The following IFT80 variants were observed in gnomAD, a reference collection of about 807,000 sequenced individuals.
IFT80 encodes the protein intraflagellar transport protein 80 homolog.
Under a neutral mutation model 107.9 loss-of-function variants are expected in IFT80, and 79 were observed. That is an observed-to-expected ratio of 0.73 (90% CI 0.61 to 0.88). The LOEUF (loss-of-function observed/expected upper bound fraction) is 0.88. IFT80 is among the 40% of genes least tolerant of loss of function. The pLI is 0.00. For synonymous variants in IFT80, 299 were observed against 300.9 expected (o/e 0.99, Z 0.07); for missense variants, 797 against 914.2 (o/e 0.87, Z 1.65).
intron 1 of IFT80, among the ~76,000 whole-genome samples, chr3:160,385,688 C>G (rs1445942169): frequency 6.6e-6 from 1 of 152,186 alleles, no homozygotes; most frequent in Non-Finnish European, 1.5e-5. Context: ...CTATGTGGAG[C>G]ACAGCCAGAG....
intron 12 of IFT80, among the ~76,000 whole-genome samples, chr3:160,298,639 A>G (rs1716174844): frequency 6.6e-6 from 1 of 152,196 alleles, no homozygotes. Context: ...ATATACTGCC[A>G]TGCCTTGCTC....
intron 12 of IFT80, among the ~76,000 whole-genome samples, chr3:160,291,917 G>T (rs1715589821): frequency 6.6e-6 from 1 of 152,224 alleles, no homozygotes; most frequent in Admixed American, 6.5e-5. Flanking sequence ...GAAGCAAGTG[G>T]ACACTGGGGG....
At chr3:160,294,941 A>G (rs1197777080) in intron 12 of IFT80, among the ~76,000 whole-genome samples, 2 of 152,342 alleles carry the variant, frequency 1.3e-5, no homozygotes, top group Non-Finnish European at 2.9e-5. Context: ...CATTACTTCT[A>G]AAGTGTTTTT....
intron 9 of IFT80, among the ~76,000 whole-genome samples, chr3:160,310,238 G>A (rs912146886): frequency 3.3e-5 from 5 of 152,158 alleles, no homozygotes; most frequent in African/African-American, 1.2e-4. Context: ...AGAAAGCAAC[G>A]AAGCTATTGA....
At chr3:160,343,966 ACTTC>A (rs1433299410) in intron 8 of IFT80, among the ~76,000 whole-genome samples, 1 of 152,210 alleles carries the variant, frequency 6.6e-6, no homozygotes, top group Non-Finnish European at 1.5e-5. Context: ...GCATTTTTAT[ACTTC>A]CTTGAAGTAA....
At chr3:160,358,549 T>C (rs1721269310) in intron 6 of IFT80, among the ~76,000 whole-genome samples, 1 of 152,156 alleles carries the variant, frequency 6.6e-6, no homozygotes, top group South Asian at 2.1e-4. Context: ...CTTTGGTATC[T>C]GTGGGGGATT....
intron 6 of IFT80, among the ~76,000 whole-genome samples, chr3:160,359,585 T>C (rs192850740): frequency 5.3e-5 from 8 of 152,290 alleles, no homozygotes; most frequent in East Asian, 1.9e-4. Context: ...TAGGGGCCGA[T>C]TGACACCTCA....
At chr3:160,380,975 C>T (rs7618017) in intron 3 of IFT80, among the ~76,000 whole-genome samples, 12,154 of 151,748 alleles carry the variant, frequency 0.08, 656 homozygotes, top group African/African-American at 0.14. Flanking sequence ...TGGCTCATAC[C>T]TGTAATCCCA....
At chr3:160,267,331 A>T (rs1052377964) in intron 19 of IFT80, among the ~76,000 whole-genome samples, 6 of 152,112 alleles carry the variant, frequency 3.9e-5, no homozygotes, top group African/African-American at 1.4e-4. Context: ...TGCCCCTATG[A>T]TCAATCAGAA....
At chr3:160,264,501 C>A (rs957391043) in intron 19 of IFT80, among the ~76,000 whole-genome samples, 1 of 151,874 alleles carries the variant, frequency 6.6e-6, no homozygotes. Context: ...CAGCTAACTG[C>A]AACCTCTGCC....
intron 8 of IFT80, among the ~76,000 whole-genome samples, chr3:160,334,178 T>C (rs1719293063): frequency 6.6e-6 from 1 of 152,146 alleles, no homozygotes; most frequent in Admixed American, 6.5e-5. Flanking sequence ...CTGTTAATTG[T>C]TTTCAGATTT....
rs573790622 is a variant in IFT80, at chr3:160,330,048, G to T, written c.778-10109C>A. ...TGTAAATTCATGGACCCTACCCCAA[G>T]CTATTGAATCTGAATCTCTGGAGAG... On this transcript the variant is annotated intron_variant, in intron 8 of 19. Coordinates refer to ENST00000326448, the MANE Select transcript of IFT80 (RefSeq NM_020800.3). Among the ~76,000 whole-genome samples, 3 of 152,266 alleles carry T rather than the reference G, an allele frequency of 2.0e-5. No individual in the cohort carries two copies. In the South Asian group the frequency reaches 6.2e-4, roughly 32 times the overall value.
At position 160,369,875 on chromosome 3, in the gene IFT80, C is replaced by T. The variant is rs373940855; in HGVS notation, c.440-3723G>A. ...AATTTATGCTCCATTTCTGCTAAGA[C>T]ACTCAAAAAGATCTTGTTTTTCTAA... On this transcript the variant is annotated intron_variant, in intron 5 of 19. Coordinates refer to ENST00000326448, the MANE Select transcript of IFT80 (RefSeq NM_020800.3). 1.2e-4 allele frequency among the ~76,000 whole-genome samples: 19 copies of T among 152,110 alleles called. No homozygotes were observed. In the South Asian group the frequency reaches 3.3e-3, roughly 27 times the overall value.
chr3:160,268,374 A>C (rs780364698), intron 19 of IFT80, 39 bp downstream of exon 19: 1 of 1,534,836 alleles, frequency 6.5e-7, no homozygotes, highest in Non-Finnish European at 9.0e-7. Flanking sequence ...TATACTTATA[A>C]AGCATATGTA....
intron 19 of IFT80, among the ~76,000 whole-genome samples, chr3:160,260,417 A>G (rs1179320877): frequency 1.3e-5 from 2 of 152,214 alleles, no homozygotes; most frequent in Admixed American, 6.5e-5. Flanking sequence ...TCCAGCCTTA[A>G]ATTGACTTAC....
chr3:160,262,531 G>A (rs9848637), intron 19 of IFT80, among the ~76,000 whole-genome samples: 1 of 152,014 alleles, frequency 6.6e-6, no homozygotes, highest in Non-Finnish European at 1.5e-5. Flanking sequence ...TGTTACCCAG[G>A]CTGGTCCTGA....
rs142536602 is a variant in IFT80, at chr3:160,300,990, A to C, written c.1208T>G (p.Phe403Cys). Residue 403 changes from phenylalanine to cysteine, a missense_variant, in exon 12 of 20, where the codon TTT (phenylalanine) becomes TGT (cysteine). Physicochemically the swap from Phe to Cys is radical, Grantham distance 205. Coordinates refer to ENST00000326448, the MANE Select transcript of IFT80 (RefSeq NM_020800.3). ...TCCAGGAAATTTTGGAGATGAAATAAAGCGCCCTTCATATGAATATAAATA... is the reference window on the plus strand; with the variant it reads ...TCCAGGAAATTTTGGAGATGAAATACAGCGCCCTTCATATGAATATAAATA... ...SIYLYSYEGR[F>C]ISSPKFPGMR... 1.9e-6 allele frequency: 3 copies of C among 1,605,226 alleles called. No individual in the cohort carries two copies. Among genetic ancestry groups the C allele is most frequent in the Non-Finnish European group, 2.6e-6 (3 of 1,173,644 alleles).
At chr3:160,360,082 C>T (rs1721383638) in intron 6 of IFT80, among the ~76,000 whole-genome samples, 1 of 152,104 alleles carries the variant, frequency 6.6e-6, no homozygotes, top group African/African-American at 2.4e-5. Flanking sequence ...TGTCCTAAGC[C>T]ATCACAAGGA....
At chr3:160,382,310 CT>C (rs545463263) in intron 2 of IFT80, among the ~76,000 whole-genome samples, 23 of 152,218 alleles carry the variant, frequency 1.5e-4, no homozygotes, top group African/African-American at 4.8e-4. Context: ...TCTTACCAAA[CT>C]TTTTTTAAAT....
Sources: allele counts gnomAD v4.1 joint callset (sites outside exome capture counted in the v4.1 genomes callset), GRCh38; gene constraint gnomAD v4.1.1; transcripts MANE v1.5; gene names NCBI Gene and HGNC (gene_info 2026-07-23, HGNC 2026-07-21).